The following PARD3B variants were observed in gnomAD, a reference collection of about 807,000 sequenced individuals.
PARD3B encodes par-3 family cell polarity regulator beta, also known as partitioning defective 3 homolog B.
In PARD3B, 103 loss-of-function variants were observed where a neutral mutation model predicts 130.2. The observed-to-expected ratio is 0.79, with a 90% confidence interval of 0.67 to 0.93. The LOEUF (loss-of-function observed/expected upper bound fraction) is 0.93. Ranked by LOEUF, PARD3B falls within the 40% of genes least tolerant of loss-of-function variation. The probability of loss-of-function intolerance (pLI) is 0.00; values close to 1 mark genes in which losing one functional copy is unlikely to be tolerated. For synonymous variants in PARD3B, 583 were observed against 553.2 expected (o/e 1.05, Z -0.76); for missense variants, 1,609 against 1,499.2 (o/e 1.07, Z -1.21).
At chr2:205,428,083 A>G (rs1377866256) in intron 19 of PARD3B, among the ~76,000 whole-genome samples, 1 of 152,172 alleles carries the variant, frequency 6.6e-6, no homozygotes, top group Non-Finnish European at 1.5e-5. Context: ...ATTAGCGTCC[A>G]TATAAAAGTG....
intron 2 of PARD3B, among the ~76,000 whole-genome samples, chr2:204,747,382 A>T (rs929504504): frequency 6.6e-6 from 1 of 152,170 alleles, no homozygotes; most frequent in African/African-American, 2.4e-5. Flanking sequence ...AAGGGATGTG[A>T]AGGACCTCTT....
intron 3 of PARD3B, among the ~76,000 whole-genome samples, chr2:205,026,368 T>G (rs1343499817): frequency 6.6e-6 from 1 of 152,132 alleles, no homozygotes; most frequent in Non-Finnish European, 1.5e-5. Context: ...ATATAGACAG[T>G]CTTTTTTCTA....
intron 2 of PARD3B, among the ~76,000 whole-genome samples, chr2:204,846,184 A>T (rs1051073808): frequency 6.6e-6 from 1 of 152,150 alleles, no homozygotes; most frequent in Non-Finnish European, 1.5e-5. Context: ...GGTAATTAAA[A>T]GAAAATGCTT....
At chr2:205,492,773 C>G (rs997670120) in intron 20 of PARD3B, among the ~76,000 whole-genome samples, 1 of 152,036 alleles carries the variant, frequency 6.6e-6, no homozygotes, top group Non-Finnish European at 1.5e-5. Flanking sequence ...ACTTAAATGT[C>G]ATTTGAAGAA....
chr2:205,495,596 G>A (rs2049896169), intron 20 of PARD3B, among the ~76,000 whole-genome samples: 1 of 152,138 alleles, frequency 6.6e-6, no homozygotes, highest in Non-Finnish European at 1.5e-5. Context: ...CATGAAGCAA[G>A]GAATATAGAA....
intron 2 of PARD3B, among the ~76,000 whole-genome samples, chr2:204,762,429 G>A (rs2125410492): frequency 6.6e-6 from 1 of 152,016 alleles, no homozygotes; most frequent in Admixed American, 6.5e-5. Context: ...CAACCCGAAT[G>A]GCAAAGATTT....
intron 18 of PARD3B, among the ~76,000 whole-genome samples, chr2:205,380,861 AT>A (rs1390462844): frequency 8.3e-5 from 5 of 60,446 alleles, no homozygotes; most frequent in East Asian, 5.1e-4. Context: ...AATACATTAT[AT>A]ATAATATAAA....
At chr2:204,958,780 C>T (rs1341071964) in intron 2 of PARD3B, among the ~76,000 whole-genome samples, 1 of 152,146 alleles carries the variant, frequency 6.6e-6, no homozygotes, top group African/African-American at 2.4e-5. Context: ...CAAAAACACT[C>T]ACATGTTCAC....
At chr2:205,510,385 T>G (rs1159475629) in intron 21 of PARD3B, among the ~76,000 whole-genome samples, 3 of 152,228 alleles carry the variant, frequency 2.0e-5, no homozygotes, top group Admixed American at 1.3e-4. Context: ...CCAGAGCCCT[T>G]GGACATTATA....
At chr2:204,687,669 T>C (rs571619989) in intron 2 of PARD3B, among the ~76,000 whole-genome samples, 30 of 152,340 alleles carry the variant, frequency 2.0e-4, no homozygotes, top group African/African-American at 7.0e-4. Flanking sequence ...ATTATTAACC[T>C]TCAGAACCCT....
rs2052589663 is a variant in PARD3B at position 205,550,880 on chromosome 2, TTGTA to T, written c.3181-2438_3181-2435del. ...TATATTTGTATGTATATATGTATAT[TTGTA>T]TGTATATATACATAATCATGTTATA... On this transcript the variant is annotated intron_variant, in intron 21 of 22. Transcript: ENST00000406610. This position sits in a 1 kb window ranked among gnomAD's most constrained non-coding sequence, Gnocchi z 4.5. 6.8e-6 allele frequency among the ~76,000 whole-genome samples: 1 copy of T among 147,884 alleles called. No individual in the cohort carries two copies. The highest frequency in any genetic ancestry group is 2.5e-5 in the African/African-American group (1 of 40,552).
chr2:204,956,392 A>G (rs1443645820), intron 2 of PARD3B, among the ~76,000 whole-genome samples: 2 of 152,304 alleles, frequency 1.3e-5, no homozygotes, highest in South Asian at 2.1e-4. Context: ...TACTTTAGAA[A>G]TATTTTCCAT....
chr2:204,867,672 T>A lies in PARD3B; in HGVS notation c.223-97480T>A, dbSNP rs185911742. Reference sequence around the variant, plus strand: ...TTTTAATTTTGAAATTTGATAACAGTAGTGAAAGAGAAATCCCTGACCATT... The same window carrying A: ...TTTTAATTTTGAAATTTGATAACAGAAGTGAAAGAGAAATCCCTGACCATT... On this transcript the variant is annotated intron_variant, in intron 2 of 22. Coordinates refer to ENST00000406610, the MANE Select transcript of PARD3B (RefSeq NM_001302769.2). Among the ~76,000 whole-genome samples the A allele has an allele frequency of 1.2e-4, 19 of 152,294 alleles. No individual in the cohort carries two copies. The East Asian group carries it at 3.7e-3, about 29-fold the overall frequency.
chr2:205,085,431 A>C (rs1701685424), intron 4 of PARD3B, among the ~76,000 whole-genome samples: 1 of 152,020 alleles, frequency 6.6e-6, no homozygotes, highest in Admixed American at 6.5e-5. Flanking sequence ...GAAAATCTTT[A>C]GAACTTTTTT....
In PARD3B at chr2:205,431,040, T is replaced by C. The variant is rs1470957663; in HGVS notation, c.2742-9330T>C. The stretch of plus-strand genomic sequence containing the variant: ...TTCAAAATGCTTGGTAAAAAATTAA[T>C]AGAAAAATATATTTAAAATATGACA... On this transcript the variant is annotated intron_variant, in intron 19 of 22. Coordinates refer to ENST00000406610, the MANE Select transcript of PARD3B (RefSeq NM_001302769.2). Among the ~76,000 whole-genome samples the C allele has an allele frequency of 2.0e-5, 3 of 152,368 alleles. No individual in the cohort carries two copies. The East Asian group carries it at 5.8e-4, about 29-fold the overall frequency.
intron 2 of PARD3B, among the ~76,000 whole-genome samples, chr2:204,831,303 G>A (rs1013994278): frequency 6.6e-6 from 1 of 152,128 alleles, no homozygotes; most frequent in Non-Finnish European, 1.5e-5. Flanking sequence ...GCCATTACAC[G>A]TAATTGGAAA....
At chr2:204,711,161 T>A (rs1244696409) in intron 2 of PARD3B, among the ~76,000 whole-genome samples, 1 of 152,246 alleles carries the variant, frequency 6.6e-6, no homozygotes, top group Non-Finnish European at 1.5e-5. Context: ...ATTTTGTATG[T>A]TCTGATAACT....
intron 15 of PARD3B, among the ~76,000 whole-genome samples, chr2:205,209,642 G>A (rs991843869): frequency 1.2e-4 from 18 of 151,502 alleles, no homozygotes; most frequent in African/African-American, 4.1e-4. Flanking sequence ...TAGGTTAAAT[G>A]AAGTTTAGCA....
intron 3 of PARD3B, among the ~76,000 whole-genome samples, chr2:204,977,425 G>A (rs1033929640): frequency 2.6e-5 from 4 of 152,078 alleles, no homozygotes; most frequent in Non-Finnish European, 1.5e-5. Context: ...AACAGGAAAC[G>A]GCATACTCAA....
Sources: gnomAD v4.1 joint callset for allele counts (sites outside exome capture counted in the v4.1 genomes callset) on GRCh38, gnomAD v4.1.1 for gene constraint, Gnocchi (gnomAD v3.1) non-coding constraint, MANE v1.5 for transcripts, NCBI Gene and HGNC (gene_info 2026-07-23, HGNC 2026-07-21) for gene names.